Variants in SNX8 observed in about 807,000 individuals in gnomAD.
SNX8 encodes sorting nexin-8.
Under a neutral mutation model 51.6 loss-of-function variants are expected in SNX8, and 25 were observed. That is an observed-to-expected ratio of 0.48 (90% CI 0.35 to 0.68). The LOEUF (loss-of-function observed/expected upper bound fraction) is 0.68, where lower values mean the gene tolerates loss of function less well. Ranked by LOEUF, SNX8 falls within the 30% of genes least tolerant of loss-of-function variation. SNX8 has a pLI of 0.00. For missense variants in SNX8, 695 were observed against 624.0 expected, an observed-to-expected ratio of 1.11 and a Z score of -1.21; for synonymous variants, 324 against 277.0, an observed-to-expected ratio of 1.17 and a Z score of -1.68.
chr7:2,268,448 G>A (rs1266956226), intron 5 of SNX8, among the ~76,000 whole-genome samples: 2 of 131,886 alleles, frequency 1.5e-5, no homozygotes, highest in African/African-American at 2.8e-5. Context: ...CGGGAGGGAG[G>A]TGGGGGGGGT....
intron 5 of SNX8, 39 bp from the exon 6 acceptor site, chr7:2,264,497 C>T: frequency 6.3e-7 from 1 of 1,580,942 alleles, no homozygotes; most frequent in South Asian, 1.1e-5. Flanking sequence ...GTGTTAGTCG[C>T]TGGGGAGCAC....
In SNX8 at chr7:2,295,441, A is replaced by C. The variant is rs1031436045; in HGVS notation, c.95-17136T>G. Among the ~76,000 whole-genome samples, 3 of 149,268 alleles carry C rather than the reference A, an allele frequency of 2.0e-5. No individual in the cohort carries two copies. The East Asian group carries it at 5.9e-4, about 29-fold the overall frequency. ...AAAAAGAGGCCAGGCACGGAGGCAC[A>C]CACCTGTAATCTCAGCACTTTGGGA... is the stretch of plus-strand genomic sequence containing the variant. On this transcript the variant is annotated intron_variant, in intron 1 of 10. Coordinates refer to ENST00000222990, the MANE Select transcript of SNX8 (RefSeq NM_013321.4).
rs559950199 is a variant in SNX8 at position 2,289,250 on chromosome 7, C to T, written c.95-10945G>A. On this transcript the variant is annotated intron_variant, in intron 1 of 10. Coordinates refer to ENST00000222990, the MANE Select transcript of SNX8 (RefSeq NM_013321.4). Reference sequence around the variant, plus strand: ...GGTTCCAGCACCTCCCTGTTCCACACGGTGCTGTTACGAACATTCCAGCAC... The same window carrying T: ...GGTTCCAGCACCTCCCTGTTCCACATGGTGCTGTTACGAACATTCCAGCAC... Among the ~76,000 whole-genome samples the T allele has an allele frequency of 3.4e-3, 524 of 152,190 alleles. 1 individual carries two copies. The highest frequency in any genetic ancestry group is 0.012 in the African/African-American group (514 of 41,530).
intron 1 of SNX8, among the ~76,000 whole-genome samples, chr7:2,281,905 A>G (rs1210994615): frequency 1.3e-5 from 2 of 151,858 alleles, no homozygotes; most frequent in African/African-American, 4.8e-5. Flanking sequence ...GCAACCCCCC[A>G]CAGGCCCCTC....
At chr7:2,269,323 G>T (rs6943304) in intron 5 of SNX8, among the ~76,000 whole-genome samples, 1 of 150,730 alleles carries the variant, frequency 6.6e-6, no homozygotes, top group Non-Finnish European at 1.5e-5. Context: ...CAGCATGCTC[G>T]TTAAGAGTCA....
chr7:2,258,297 G>A (rs1387006973), intron 7 of SNX8, among the ~76,000 whole-genome samples: 2 of 152,102 alleles, frequency 1.3e-5, no homozygotes, highest in Admixed American at 1.3e-4. Context: ...TTACAGGCGT[G>A]AGCCACCGCG....
At chr7:2,290,669 C>T (rs538645793) in intron 1 of SNX8, among the ~76,000 whole-genome samples, 1 of 152,172 alleles carries the variant, frequency 6.6e-6, no homozygotes, top group South Asian at 2.1e-4. Flanking sequence ...AGCCGCATGC[C>T]CTCCCAGCAC....
rs765558467 is a variant in SNX8 at position 2,257,765 on chromosome 7, G to T, written c.954C>A (p.Asn318Lys). The change falls in exon 8 of 11, where the codon AAC becomes AAA. Residue 318 changes from asparagine (N) to lysine (K), a missense_variant. Asn to Lys is a moderately conservative substitution (Grantham distance 94, BLOSUM62 0). Coordinates refer to ENST00000222990, the MANE Select transcript of SNX8 (RefSeq NM_013321.4). ...QEENDVVEKL[N>K]LFLDLLQSYK... ...AGGACTGCAGCAGATCCAAGAAGAG[G>T]TTCAGCTTCTCCACCACGTCGTTCT... 1.2e-6 allele frequency: 2 copies of T among 1,613,968 alleles called. No individual in the cohort carries two copies. Among genetic ancestry groups the T allele is most frequent in the African/African-American group, 1.3e-5 (1 of 74,934 alleles).
At chr7:2,271,406 A>G in intron 4 of SNX8, among the ~76,000 whole-genome samples, 1 of 152,208 alleles carries the variant, frequency 6.6e-6, no homozygotes, top group Non-Finnish European at 1.5e-5. Context: ...AGCCCCACTC[A>G]GACCTCTGAC....
At chr7:2,351,497 C>G (rs1280229973) in intron 1 of SNX8, among the ~76,000 whole-genome samples, 1 of 152,030 alleles carries the variant, frequency 6.6e-6, no homozygotes, top group Non-Finnish European at 1.5e-5. Context: ...TGCGACGGCA[C>G]CACTGTACTC....
chr7:2,303,382 C>T lies in SNX8; in HGVS notation c.94+10946G>A, dbSNP rs368985895. 2.7e-3 allele frequency among the ~76,000 whole-genome samples: 389 copies of T among 145,816 alleles called. 10 individuals are homozygous for T. In the East Asian group the frequency reaches 0.075, roughly 28 times the overall value. The stretch of plus-strand genomic sequence containing the variant: ...GCCGCCCCGTCTGGGAGGTGAGGGG[C>T]GCCTCTGCCCGGCCGCCCCTACTGG... On this transcript the variant is annotated intron_variant, in intron 1 of 10. Transcript: ENST00000222990.
chr7:2,304,856 G>A (rs1263341378), intron 1 of SNX8, among the ~76,000 whole-genome samples: 1 of 152,188 alleles, frequency 6.6e-6, no homozygotes, highest in African/African-American at 2.4e-5. Context: ...GTTCTTGAAA[G>A]ACAGGTCCAC....
chr7:2,330,958 G>A (rs1177366832), intron 1 of SNX8, among the ~76,000 whole-genome samples: 1 of 151,560 alleles, frequency 6.6e-6, no homozygotes, highest in Non-Finnish European at 1.5e-5. Context: ...GCCGAGGCAG[G>A]TGGGTCACTT....
chr7:2,264,521 G>A (rs1795419536), intron 5 of SNX8, 63 bp from the exon 6 acceptor site: 8 of 1,524,436 alleles, frequency 5.2e-6, no homozygotes, highest in Non-Finnish European at 7.1e-6. Flanking sequence ...TCAGACGGCA[G>A]CAGCCGGTCC....
At chr7:2,323,621 C>G (rs956956753) in intron 1 of SNX8, among the ~76,000 whole-genome samples, 1 of 152,068 alleles carries the variant, frequency 6.6e-6, no homozygotes, top group African/African-American at 2.4e-5. Flanking sequence ...AATGATATGG[C>G]CCAGAAGTAA....
chr7:2,325,005 A>G (rs1778598622), intron 1 of SNX8, among the ~76,000 whole-genome samples: 1 of 151,698 alleles, frequency 6.6e-6, no homozygotes, highest in African/African-American at 2.4e-5. Flanking sequence ...GCTACAGGCT[A>G]TTTATTTTTT....
At chr7:2,316,366 C>T (rs1179064795), upstream of SNX8, among the ~76,000 whole-genome samples, 2 of 151,684 alleles carry the variant, frequency 1.3e-5, no homozygotes, top group Non-Finnish European at 2.9e-5. Context: ...TTCACTCACT[C>T]ACTCACTCAT....
At chr7:2,331,200 A>G (rs868737570) in intron 1 of SNX8, among the ~76,000 whole-genome samples, 1,727 of 148,890 alleles carry the variant, frequency 0.012, 42 homozygotes, top group African/African-American at 0.04. Flanking sequence ...AAAAAAAAAA[A>G]AAAGAAAGAA....
intron 1 of SNX8, among the ~76,000 whole-genome samples, chr7:2,350,530 G>A (rs767169054): frequency 3.3e-5 from 5 of 152,184 alleles, no homozygotes; most frequent in African/African-American, 9.7e-5. Flanking sequence ...TGGGCCGAGC[G>A]CGGTGGCTCA....
Sources: gnomAD v4.1 joint callset for allele counts (sites outside exome capture counted in the v4.1 genomes callset) on GRCh38, gnomAD v4.1.1 for gene constraint, MANE v1.5 for transcripts, NCBI Gene and HGNC (gene_info 2026-07-23, HGNC 2026-07-21) for gene names.